The following PCSK5 variants were observed in gnomAD, a reference collection of about 807,000 sequenced individuals.
PCSK5 encodes the protein proprotein convertase subtilisin/kexin type 5.
PCSK5 carries 129 observed loss-of-function variants against 233.2 expected under a neutral mutation model. That is an observed-to-expected ratio of 0.55 (90% CI 0.48 to 0.64). The LOEUF (loss-of-function observed/expected upper bound fraction) is 0.64. PCSK5 is among the 30% of genes least tolerant of loss of function. The pLI, the probability that PCSK5 is intolerant of heterozygous loss-of-function variation, is 0.00. For missense variants in PCSK5, 2,076 were observed against 2,430.1 expected (o/e 0.85, Z 3.06); for synonymous variants, 825 against 879.2 (o/e 0.94, Z 1.09).
chr9:76,300,244 C>G (rs775866488), intron 27 of PCSK5, among the ~76,000 whole-genome samples: 31 of 152,138 alleles, frequency 2.0e-4, no homozygotes, highest in Non-Finnish European at 4.0e-4. Flanking sequence ...TAGAAAACTT[C>G]AAAGATGCCA....
chr9:76,110,470 G>A (rs1832165111), intron 9 of PCSK5, among the ~76,000 whole-genome samples: 1 of 152,200 alleles, frequency 6.6e-6, no homozygotes, highest in African/African-American at 2.4e-5. Context: ...TGCCTGCATG[G>A]GTAGGACTGT....
At chr9:76,242,874 T>A (rs776729854) in intron 24 of PCSK5, among the ~76,000 whole-genome samples, 1 of 152,174 alleles carries the variant, frequency 6.6e-6, no homozygotes, top group Admixed American at 6.5e-5. Flanking sequence ...GTGGGGCAAG[T>A]CTACCCAGCA....
chr9:76,338,637 C>T (rs1217543073), intron 35 of PCSK5, among the ~76,000 whole-genome samples, 190 bp downstream of exon 35: 1 of 152,180 alleles, frequency 6.6e-6, no homozygotes, highest in Non-Finnish European at 1.5e-5. Flanking sequence ...ACCTGGGCTG[C>T]TCCTGCCCAT....
At position 76,350,873 on chromosome 9, in the gene PCSK5, T is replaced by C. The variant is rs375939325; in HGVS notation, c.5012T>C (p.Leu1671Pro). ...NCLSCVWSYH[L>P]MGGICTSDCL... The stretch of plus-strand genomic sequence containing the variant: ...TTATCCTGTGTGTGGAGTTACCACC[T>C]CATGGGAGGGATCTGCACCTCGGAC... Residue 1671 changes from leucine (L) to proline (P), a missense_variant, in exon 36 of 38, where the codon CTC (leucine) becomes CCC (proline). Leu to Pro is a moderately conservative substitution (Grantham distance 98). Coordinates refer to ENST00000674117, the MANE Select transcript of PCSK5 (RefSeq NM_001372043.1). The C allele has an allele frequency of 1.3e-5, 21 of 1,610,080 alleles. No homozygotes were observed. The highest frequency in any genetic ancestry group is 1.7e-5 in the Non-Finnish European group (20 of 1,177,910).
intron 1 of PCSK5, among the ~76,000 whole-genome samples, chr9:75,917,899 A>G (rs1254363976): frequency 1.3e-5 from 2 of 152,198 alleles, no homozygotes; most frequent in Non-Finnish European, 2.9e-5. Flanking sequence ...ACCTAAAGTA[A>G]AATATGGCAG....
At chr9:76,115,463 A>G (rs1000403137) in intron 9 of PCSK5, among the ~76,000 whole-genome samples, 5 of 152,126 alleles carry the variant, frequency 3.3e-5, no homozygotes, top group African/African-American at 1.2e-4. Flanking sequence ...CAGTTACCCG[A>G]TAAGATTGCT....
At chr9:76,057,509 C>A (rs147087112) in intron 5 of PCSK5, among the ~76,000 whole-genome samples, 1 of 152,100 alleles carries the variant, frequency 6.6e-6, no homozygotes, top group Non-Finnish European at 1.5e-5. Flanking sequence ...TTAACTGTTA[C>A]ATAATGCATA....
chr9:76,094,728 G>A (rs1265276087), intron 7 of PCSK5, among the ~76,000 whole-genome samples: 1 of 151,956 alleles, frequency 6.6e-6, no homozygotes, highest in Non-Finnish European at 1.5e-5. Context: ...TCGTGCCTCA[G>A]CCTCCCGAGT....
intron 2 of PCSK5, among the ~76,000 whole-genome samples, chr9:75,943,971 T>A (rs888771507): frequency 2.0e-5 from 3 of 151,994 alleles, no homozygotes; most frequent in African/African-American, 7.3e-5. Flanking sequence ...GAGACCAGCC[T>A]AGGCAACATA....
intron 1 of PCSK5, among the ~76,000 whole-genome samples, chr9:75,892,329 T>A (rs1399339160): frequency 6.6e-6 from 1 of 152,202 alleles, no homozygotes; most frequent in African/African-American, 2.4e-5. Context: ...TTTCTGGTTC[T>A]CTTCCCCCGA....
At chr9:75,965,672 G>C (rs1825552756) in intron 2 of PCSK5, among the ~76,000 whole-genome samples, 1 of 152,180 alleles carries the variant, frequency 6.6e-6, no homozygotes, top group Non-Finnish European at 1.5e-5. Flanking sequence ...TACCCAAAGA[G>C]AGTATTTAAT....
intron 23 of PCSK5, among the ~76,000 whole-genome samples, chr9:76,240,069 T>C (rs1288457222): frequency 2.0e-5 from 3 of 152,224 alleles, no homozygotes; most frequent in Admixed American, 6.5e-5. Flanking sequence ...ACAACACTTA[T>C]AGTTTCGGCT....
At chr9:76,032,560 A>G (rs1319938069) in intron 5 of PCSK5, among the ~76,000 whole-genome samples, 1 of 152,178 alleles carries the variant, frequency 6.6e-6, no homozygotes, top group Non-Finnish European at 1.5e-5. Flanking sequence ...CAAGTTCCCA[A>G]ATGGTGGTAT....
chr9:76,311,385 A>G (rs1481267748), intron 30 of PCSK5, among the ~76,000 whole-genome samples: 2 of 151,956 alleles, frequency 1.3e-5, no homozygotes, highest in East Asian at 1.9e-4. Flanking sequence ...CCCACCTTAT[A>G]TTAATGATCA....
chr9:75,962,197 A>T (rs1295743592), intron 2 of PCSK5, among the ~76,000 whole-genome samples: 3 of 151,982 alleles, frequency 2.0e-5, no homozygotes, highest in African/African-American at 7.3e-5. Flanking sequence ...GATTGGGAGG[A>T]GCTGGGAAGG....
At chr9:76,327,975 G>T (rs779218056) in intron 32 of PCSK5, 34 bp from the exon 33 acceptor site, 1 of 1,412,268 alleles carries the variant, frequency 7.1e-7, no homozygotes, top group South Asian at 1.1e-5. Flanking sequence ...CCTGGCTCTC[G>T]CTCACTCTGT....
intron 20 of PCSK5, among the ~76,000 whole-genome samples, chr9:76,214,310 G>GCA (rs1025904495): frequency 8.0e-5 from 12 of 150,836 alleles, no homozygotes; most frequent in African/African-American, 1.7e-4. Flanking sequence ...ACACACACGT[G>GCA]CACACACACA....
At chr9:76,088,098 T>C (rs1831137827) in intron 7 of PCSK5, among the ~76,000 whole-genome samples, 1 of 152,232 alleles carries the variant, frequency 6.6e-6, no homozygotes. Flanking sequence ...TGAGGATGTT[T>C]AGACAGCCCT....
In PCSK5 at chr9:76,295,163, AAAACAAAACG is replaced by A. The variant is rs1309098971; in HGVS notation, c.3186-103_3186-94del. The A allele has an allele frequency of 1.0e-5, 10 of 1,004,726 alleles. No individual in the cohort carries two copies. The African/African-American group carries it at 1.3e-4, about 13-fold the overall frequency. The allele number at this position is 1,004,726 out of a possible 1,614,324, so 62.2% of individuals were successfully genotyped here. A position where few individuals can be genotyped will look rare whatever the true frequency, so the allele number is the denominator to read the frequency against. On this transcript the variant is annotated intron_variant, in intron 25 of 37. Coordinates refer to ENST00000674117, the MANE Select transcript of PCSK5 (RefSeq NM_001372043.1). ...AGCAAAACTCCATCTCAAACAAAAC[AAAACAAAACG>A]AAACAAAAAACTCTGCATAGACATA...
Sources: gnomAD v4.1 joint callset for allele counts (sites outside exome capture counted in the v4.1 genomes callset) on GRCh38, gnomAD v4.1.1 for gene constraint, MANE v1.5 for transcripts, NCBI Gene and HGNC (gene_info 2026-07-23, HGNC 2026-07-21) for gene names.